The following PAQR8 variants were observed in gnomAD, a reference collection of about 807,000 sequenced individuals.
PAQR8 encodes progestin and adipoQ receptor family member 8, also known as membrane progestin receptor beta.
Under a neutral mutation model 25.2 loss-of-function variants are expected in PAQR8, and 17 were observed. The ratio of observed to expected loss-of-function variants is 0.67; its 90% CI spans 0.46 to 1.01. PAQR8 has a LOEUF of 1.01. PAQR8 is among the 50% of genes least tolerant of loss of function. The probability of loss-of-function intolerance (pLI) is 0.00; values close to 1 mark genes in which losing one functional copy is unlikely to be tolerated. For synonymous variants in PAQR8, 204 were observed against 190.6 expected, an observed-to-expected ratio of 1.07 and a Z score of -0.58; for missense variants, 392 against 448.4, an observed-to-expected ratio of 0.87 and a Z score of 1.14.
At chr6:52,400,020 G>GT (rs1215488109) in intron 1 of PAQR8, among the ~76,000 whole-genome samples, 4 of 152,068 alleles carry the variant, frequency 2.6e-5, no homozygotes, top group Non-Finnish European at 5.9e-5. Context: ...TTTTCTTTTT[G>GT]TTTTCAAATG....
chr6:52,386,417 T>A (rs1476274104), intron 1 of PAQR8, among the ~76,000 whole-genome samples: 3 of 152,192 alleles, frequency 2.0e-5, no homozygotes, highest in African/African-American at 7.2e-5. Flanking sequence ...ACAGCACTAT[T>A]CAAAAATAGC....
chr6:52,387,706 G>A (rs1763649011), intron 1 of PAQR8, among the ~76,000 whole-genome samples: 1 of 152,214 alleles, frequency 6.6e-6, no homozygotes, highest in Non-Finnish European at 1.5e-5. Context: ...ACCTAGATCA[G>A]GGATCCCCCA....
In PAQR8 at chr6:52,407,776, C is replaced by T. The variant is rs4498353; in HGVS notation, c.*3498C>T. 14,686 of 154,126 alleles carry T rather than the reference C, an allele frequency of 0.095. 1,186 individuals are homozygous for T. The highest frequency in any genetic ancestry group is 0.26 in the Admixed American group (3,897 of 14,814). The allele number at this position is 154,126 out of a possible 1,614,324, so 9.5% of individuals were successfully genotyped here. A position where few individuals can be genotyped will look rare whatever the true frequency, so the allele number is the denominator to read the frequency against. On this transcript the variant is annotated 3_prime_UTR_variant, in exon 2 of 2. Transcript: ENST00000442253. ...AACCATTAAAGTGATTTTGTATATGCATTGTTGTAGTGTCAGCAGTTTAAA... is the reference window on the plus strand; with the variant it reads ...AACCATTAAAGTGATTTTGTATATGTATTGTTGTAGTGTCAGCAGTTTAAA...
intron 1 of PAQR8, among the ~76,000 whole-genome samples, chr6:52,387,690 G>T (rs1226954899): frequency 6.6e-6 from 1 of 152,224 alleles, no homozygotes; most frequent in East Asian, 1.9e-4. Flanking sequence ...CCGTTAGGAG[G>T]TGATCACCTA....
chr6:52,398,204 C>CTTTTT (rs869285681), intron 1 of PAQR8, among the ~76,000 whole-genome samples: 3 of 85,820 alleles, frequency 3.5e-5, no homozygotes, highest in African/African-American at 1.5e-4. Context: ...TTTCTTTTTT[C>CTTTTT]TTTTTTTTTT....
chr6:52,375,562 G>T (rs1037062110), intron 1 of PAQR8, among the ~76,000 whole-genome samples: 2 of 152,178 alleles, frequency 1.3e-5, no homozygotes, highest in Non-Finnish European at 2.9e-5. Context: ...AGGTTGGAGT[G>T]CAATGGTGTG....
In PAQR8 at chr6:52,397,871, C is replaced by T. The variant is rs980147263; in HGVS notation, c.-52-5291C>T. On this transcript the variant is annotated intron_variant, in intron 1 of 1. Coordinates refer to ENST00000442253, the MANE Select transcript of PAQR8 (RefSeq NM_133367.5). ...GCAGCCACCTGGGAAGGCTGGGAGG[C>T]TTCAACATCATGATGACAATATGTG... 1.2e-4 allele frequency among the ~76,000 whole-genome samples: 18 copies of T among 152,232 alleles called. 1 individual carries two copies. The highest frequency in any genetic ancestry group is 4.1e-4 in the African/African-American group (17 of 41,548).
rs78971424 is a variant in PAQR8 at position 52,364,477 on chromosome 6, C to G, written c.-53+2228C>G. Among the ~76,000 whole-genome samples, 423 of 152,266 alleles carry G rather than the reference C, an allele frequency of 2.8e-3. 17 individuals carry two copies. In the East Asian group the frequency reaches 0.067, roughly 24 times the overall value. On this transcript the variant is annotated intron_variant, in intron 1 of 1. Coordinates refer to ENST00000442253, the MANE Select transcript of PAQR8 (RefSeq NM_133367.5). ...TATCCAAATGTTAAAATAAATATGCCAGTATTTATACATTCAAATCAGTAT... is the reference window on the plus strand; with the variant it reads ...TATCCAAATGTTAAAATAAATATGCGAGTATTTATACATTCAAATCAGTAT...
chr6:52,368,202 A>C (rs888292921), intron 1 of PAQR8, among the ~76,000 whole-genome samples: 14 of 152,240 alleles, frequency 9.2e-5, no homozygotes, highest in African/African-American at 3.1e-4. Context: ...CAAACGGGCA[A>C]GTGGAGCAAA....
At chr6:52,393,917 G>A (rs1005524972) in intron 1 of PAQR8, among the ~76,000 whole-genome samples, 7 of 152,218 alleles carry the variant, frequency 4.6e-5, no homozygotes, top group African/African-American at 1.7e-4. Flanking sequence ...GAGTTGGCCA[G>A]TGGACATCAG....
In PAQR8 at chr6:52,364,083, G is replaced by GTTTTT. The variant is rs67846872; in HGVS notation, c.-53+1850_-53+1854dup. Reference sequence around the variant, plus strand: ...AGTGGATATATCCATTGAAAGATATGTTTTTTTTTTTTTTTTTTTTGCGGG... The same window carrying GTTTTT: ...AGTGGATATATCCATTGAAAGATATGTTTTTTTTTTTTTTTTTTTTTTTTTGCGGG... On this transcript the variant is annotated intron_variant, in intron 1 of 1. Transcript: ENST00000442253. Among the ~76,000 whole-genome samples the GTTTTT allele has an allele frequency of 2.7e-3, 230 of 84,252 alleles. 29 individuals are homozygous for GTTTTT. The highest frequency in any genetic ancestry group is 3.9e-3 in the Non-Finnish European group (177 of 45,792). 55.3% of individuals were successfully genotyped at this position (84,252 alleles called of 152,430 possible).
chr6:52,379,546 G>C (rs1397462308), intron 1 of PAQR8, among the ~76,000 whole-genome samples: 1 of 151,780 alleles, frequency 6.6e-6, no homozygotes, highest in Non-Finnish European at 1.5e-5. Context: ...CCGCCTCCTG[G>C]GTTCAAGTGA....
Position 52,390,549 on chromosome 6 carries a change from C to T in PAQR8, c.-52-12613C>T, listed in dbSNP as rs542473981. 6.6e-5 allele frequency among the ~76,000 whole-genome samples: 10 copies of T among 152,234 alleles called. No individual in the cohort carries two copies. The South Asian group carries it at 1.5e-3, about 22-fold the overall frequency. On this transcript the variant is annotated intron_variant, in intron 1 of 1. Transcript: ENST00000442253. ...GTACCTTACTTTTTTTTTATAGGCA[C>T]GGTTCAGCCGTACCACAAACCCACA...
chr6:52,363,453 C>T (rs1034986237), intron 1 of PAQR8, among the ~76,000 whole-genome samples: 4 of 152,120 alleles, frequency 2.6e-5, no homozygotes, highest in South Asian at 2.1e-4. Flanking sequence ...CGTGTGTGTG[C>T]GCGCCTTAGG....
chr6:52,396,255 G>A (rs998392137), intron 1 of PAQR8, among the ~76,000 whole-genome samples: 6 of 152,304 alleles, frequency 3.9e-5, no homozygotes, highest in Non-Finnish European at 7.3e-5. Context: ...GTTAAGAAAA[G>A]CTTCCTGGTG....
chr6:52,365,727 G>A (rs921552683), intron 1 of PAQR8, among the ~76,000 whole-genome samples: 3 of 152,044 alleles, frequency 2.0e-5, no homozygotes, highest in Non-Finnish European at 4.4e-5. Context: ...TTTTTAAAGG[G>A]TAACCTGAAA....
intron 1 of PAQR8, among the ~76,000 whole-genome samples, chr6:52,379,532 A>G (rs1462179102): frequency 6.6e-6 from 1 of 151,006 alleles, no homozygotes; most frequent in East Asian, 1.9e-4. Context: ...ACTCACTGCA[A>G]CCTCCGCCTC....
At position 52,404,034 on chromosome 6, in the gene PAQR8, C is replaced by T. The variant is rs201451220; in HGVS notation, c.821C>T (p.Ser274Phe). ...GTGCCTGAGAAGTACTTCCCGGGTT[C>T]CTGTGACATCGTGGGCCATGGGCAT... ...CPVPEKYFPGSCDIVGHGHQI... is the reference protein window; with the variant it reads ...CPVPEKYFPGFCDIVGHGHQI... Residue 274 changes from serine to phenylalanine, a missense_variant, in exon 2 of 2, where the codon TCC becomes TTC. Coordinates refer to ENST00000442253, the MANE Select transcript of PAQR8 (RefSeq NM_133367.5). 1.9e-6 allele frequency: 3 copies of T among 1,614,240 alleles called. No homozygotes were observed. The highest frequency in any genetic ancestry group is 1.7e-6 in the Non-Finnish European group (2 of 1,180,048).
intron 1 of PAQR8, among the ~76,000 whole-genome samples, chr6:52,397,652 C>G (rs901598644): frequency 6.6e-6 from 1 of 152,186 alleles, no homozygotes; most frequent in African/African-American, 2.4e-5. Context: ...ATCAAAATTA[C>G]AAGACTTGAG....
Sources: gnomAD v4.1 joint callset for allele counts (sites outside exome capture counted in the v4.1 genomes callset) on GRCh38, gnomAD v4.1.1 for gene constraint, MANE v1.5 for transcripts, NCBI Gene and HGNC (gene_info 2026-07-23, HGNC 2026-07-21) for gene names.